The following MALRD1 variants were observed in gnomAD, a reference collection of about 807,000 sequenced individuals.
MALRD1 encodes MAM and LDL receptor class A domain containing 1, also known as MAM and LDL-receptor class A domain-containing protein 1.
MALRD1 carries 247 observed loss-of-function variants against 242.1 expected under a neutral mutation model. The observed-to-expected ratio is 1.02, with a 90% CI of 0.92 to 1.13. The LOEUF is 1.13. Ranked by LOEUF, MALRD1 falls within the 50% of genes most tolerant of loss-of-function variation. The probability of loss-of-function intolerance (pLI) is 0.00; values close to 1 mark genes in which losing one functional copy is unlikely to be tolerated. For missense variants in MALRD1, 2,989 were observed against 2,533.1 expected (o/e 1.18, Z -3.86); for synonymous variants, 995 against 866.6 (o/e 1.15, Z -2.60).
At chr10:19,322,386 A>G (rs1386566534) in intron 21 of MALRD1, among the ~76,000 whole-genome samples, 2 of 152,168 alleles carry the variant, frequency 1.3e-5, no homozygotes, top group Non-Finnish European at 2.9e-5. Context: ...GGTTTGCATG[A>G]CACTACTTAT....
chr10:19,472,452 G>A (rs573013428), intron 29 of MALRD1, among the ~76,000 whole-genome samples: 2 of 152,070 alleles, frequency 1.3e-5, no homozygotes, highest in South Asian at 4.1e-4. Context: ...TCAGTTATTT[G>A]TGAAAGTTTG....
intron 33 of MALRD1, among the ~76,000 whole-genome samples, chr10:19,571,282 A>G (rs1836527924): frequency 6.6e-6 from 1 of 152,098 alleles, no homozygotes; most frequent in Admixed American, 6.6e-5. Context: ...AGTAATCTAG[A>G]ATTAGTTTTG....
chr10:19,108,105 T>C (rs1030725979), intron 5 of MALRD1, among the ~76,000 whole-genome samples: 3 of 152,182 alleles, frequency 2.0e-5, no homozygotes, highest in Admixed American at 6.5e-5. Flanking sequence ...TCATCTTTTC[T>C]CCCTCTGGAA....
chr10:19,321,696 C>G (rs1842920394), intron 21 of MALRD1, among the ~76,000 whole-genome samples: 1 of 152,248 alleles, frequency 6.6e-6, no homozygotes, highest in South Asian at 2.1e-4. Context: ...TATAGTCACT[C>G]TACTGATTTA....
intron 14 of MALRD1, among the ~76,000 whole-genome samples, chr10:19,176,366 C>CTTTTTTTTTTTTTTTT (rs11443184): frequency 1.1e-4 from 10 of 87,302 alleles, no homozygotes; most frequent in East Asian, 3.2e-4. Flanking sequence ...TTTCTGGGTG[C>CTTTTTTTTTTTTTTTT]TTTTTTTTTT....
intron 5 of MALRD1, among the ~76,000 whole-genome samples, chr10:19,121,953 A>G (rs1048134869): frequency 6.6e-6 from 1 of 152,246 alleles, no homozygotes; most frequent in Admixed American, 6.5e-5. Flanking sequence ...CCTGATGCCA[A>G]TGGAGTGAGT....
intron 28 of MALRD1, among the ~76,000 whole-genome samples, chr10:19,414,394 A>G (rs1029269820): frequency 6.6e-6 from 1 of 152,218 alleles, no homozygotes; most frequent in Non-Finnish European, 1.5e-5. Context: ...CAGAATTGGG[A>G]AACCAAGGAA....
At chr10:19,071,935 C>T (rs927750379) in intron 2 of MALRD1, among the ~76,000 whole-genome samples, 5 of 152,032 alleles carry the variant, frequency 3.3e-5, no homozygotes, top group Non-Finnish European at 5.9e-5. Flanking sequence ...TGTATTGCTC[C>T]GCATGCTCTT....
intron 18 of MALRD1, among the ~76,000 whole-genome samples, chr10:19,242,678 C>A (rs1338458845): frequency 5.3e-5 from 8 of 151,992 alleles, no homozygotes. Context: ...TGTCATTATA[C>A]AGTGACATTC....
At chr10:19,622,321 T>C (rs894869887) in intron 36 of MALRD1, among the ~76,000 whole-genome samples, 7 of 151,698 alleles carry the variant, frequency 4.6e-5, no homozygotes, top group African/African-American at 1.4e-4. Context: ...ATTAATAGTC[T>C]ACATACATAG....
chr10:19,288,629 G>A (rs938159262), intron 21 of MALRD1, among the ~76,000 whole-genome samples: 3 of 151,830 alleles, frequency 2.0e-5, no homozygotes, highest in Non-Finnish European at 2.9e-5. Context: ...CTGAGGTTCC[G>A]TAACTAGTAT....
chr10:19,476,458 C>T (rs568903781), intron 29 of MALRD1, among the ~76,000 whole-genome samples: 1 of 152,108 alleles, frequency 6.6e-6, no homozygotes, highest in Non-Finnish European at 1.5e-5. Flanking sequence ...GACATGCCCA[C>T]TGAGAGACAT....
chr10:19,498,699 CT>C, intron 31 of MALRD1, 53 bp downstream of exon 31: 1 of 1,509,112 alleles, frequency 6.6e-7, no homozygotes, highest in Admixed American at 2.2e-5. Context: ...TTAAAGTCTG[CT>C]TTAACAATTT....
chr10:19,379,615 A>G (rs1182443618), intron 26 of MALRD1, among the ~76,000 whole-genome samples: 2 of 152,164 alleles, frequency 1.3e-5, no homozygotes, highest in African/African-American at 4.8e-5. Flanking sequence ...ACTGATTTCT[A>G]TTTTAATTCT....
intron 14 of MALRD1, among the ~76,000 whole-genome samples, chr10:19,202,580 C>T (rs930462190): frequency 5.9e-5 from 9 of 152,070 alleles, no homozygotes; most frequent in African/African-American, 2.2e-4. Context: ...TTAGTTTACA[C>T]TTTTTTCCCT....
chr10:19,051,255 T>A (rs1438746500), intron 1 of MALRD1, among the ~76,000 whole-genome samples: 7 of 152,012 alleles, frequency 4.6e-5, no homozygotes, highest in South Asian at 2.1e-4. Flanking sequence ...TAGATTTTTT[T>A]AAAACTAGCT....
chr10:19,198,258 T>C (rs1408573398), intron 14 of MALRD1, among the ~76,000 whole-genome samples: 1 of 152,190 alleles, frequency 6.6e-6, no homozygotes, highest in Non-Finnish European at 1.5e-5. Flanking sequence ...CAGATGACTT[T>C]ATTACTAATG....
At chr10:19,104,858 A>G (rs1003985609) in intron 5 of MALRD1, among the ~76,000 whole-genome samples, 7 of 152,080 alleles carry the variant, frequency 4.6e-5, no homozygotes, top group Non-Finnish European at 8.8e-5. Flanking sequence ...TAGGATCTTG[A>G]TATTGTGCTT....
chr10:19,573,185 G>A (rs1321651883), intron 33 of MALRD1, among the ~76,000 whole-genome samples: 1 of 152,186 alleles, frequency 6.6e-6, no homozygotes, highest in Non-Finnish European at 1.5e-5. Flanking sequence ...CATGGACCAT[G>A]GCACGTGTTC....
Sources: gnomAD v4.1 joint callset for allele counts (sites outside exome capture counted in the v4.1 genomes callset) on GRCh38, gnomAD v4.1.1 for gene constraint, MANE v1.5 for transcripts, NCBI Gene and HGNC (gene_info 2026-07-23, HGNC 2026-07-21) for gene names.